Variants in SRP19 observed in about 807,000 individuals in gnomAD.
SRP19 encodes the protein signal recognition particle 19, also known as signal recognition particle 19 kDa protein.
SRP19 carries 11 observed loss-of-function variants against 22.4 expected under a neutral mutation model. The observed-to-expected ratio is 0.49, with a 90% CI of 0.31 to 0.81. The LOEUF is 0.81. Among genes scored for constraint, SRP19 ranks in the 40% least tolerant of loss-of-function variants. SRP19 has a pLI of 0.05. For synonymous variants in SRP19, 61 were observed against 57.6 expected, an observed-to-expected ratio of 1.06 and a Z score of -0.27; for missense variants, 168 against 175.9, an observed-to-expected ratio of 0.96 and a Z score of 0.25.
chr5:112,880,165 C>T (rs1224241505), intron 4 of SRP19, among the ~76,000 whole-genome samples: 1 of 152,050 alleles, frequency 6.6e-6, no homozygotes, highest in Non-Finnish European at 1.5e-5. Context: ...AATCCCAGAG[C>T]TTTGAGAGGC....
chr5:112,885,906 TTCCAGACCTGGGTATC>T (rs561291346), intron 4 of SRP19, among the ~76,000 whole-genome samples: 10 of 152,322 alleles, frequency 6.6e-5, no homozygotes, highest in Admixed American at 1.3e-4. Context: ...GATGACTTCA[TTCCAGACCTGGGTATC>T]TCCAATCTAC....
At chr5:112,873,088 CTTTT>C (rs34944142), downstream of SRP19, among the ~76,000 whole-genome samples, 4 of 116,650 alleles carry the variant, frequency 3.4e-5, no homozygotes, top group Non-Finnish European at 7.3e-5. Flanking sequence ...TTGTGTGGGT[CTTTT>C]TTTTTTTTTT....
At chr5:112,865,716 C>T (rs1484493642) in intron 4 of SRP19, among the ~76,000 whole-genome samples, 1 of 152,026 alleles carries the variant, frequency 6.6e-6, no homozygotes, top group Non-Finnish European at 1.5e-5. Context: ...GTCTCAGCCT[C>T]CCAAGTAGCT....
intron 4 of SRP19, 76 bp downstream of exon 4, chr5:112,864,808 G>A (rs1372633792): frequency 5.1e-6 from 6 of 1,174,944 alleles, no homozygotes; most frequent in Non-Finnish European, 7.3e-6. Flanking sequence ...TTCTAAAACT[G>A]AAAGGTAAAA....
chr5:112,889,105 C>A (rs1768351556), intron 4 of SRP19, among the ~76,000 whole-genome samples: 1 of 150,872 alleles, frequency 6.6e-6, no homozygotes, highest in Non-Finnish European at 1.5e-5. Flanking sequence ...GTCTCCACAA[C>A]CATGTGGAAC....
At chr5:112,891,880 T>C (rs1385008245) in exon 5 of SRP19, 4 of 1,414,332 alleles carry the variant, frequency 2.8e-6, no homozygotes, top group Admixed American at 3.3e-5. Flanking sequence ...TGAGGAGTGG[T>C]TGCTGAGGGA....
chr5:112,863,496 C>A (rs566680451), intron 2 of SRP19, among the ~76,000 whole-genome samples: 1 of 152,136 alleles, frequency 6.6e-6, no homozygotes, highest in South Asian at 2.1e-4. Context: ...TCCAGCCCCC[C>A]ATCCCCTAGT....
chr5:112,866,224 C>G (rs1767600881), intron 4 of SRP19, among the ~76,000 whole-genome samples: 1 of 151,672 alleles, frequency 6.6e-6, no homozygotes, highest in South Asian at 2.1e-4. Context: ...TCAAGTGATT[C>G]TCCTGCCTCA....
intron 1 of SRP19, 119 bp from the exon 2 acceptor site, chr5:112,862,389 A>C: frequency 4.8e-6 from 4 of 829,704 alleles, no homozygotes; most frequent in Non-Finnish European, 8.1e-6. Flanking sequence ...GGGGTTGAAA[A>C]GGGAGTACCC....
chr5:112,882,756 T>C (rs1483997013), intron 4 of SRP19, among the ~76,000 whole-genome samples: 1 of 152,208 alleles, frequency 6.6e-6, no homozygotes, highest in Non-Finnish European at 1.5e-5. Flanking sequence ...AAACATTTGT[T>C]ATCTGGCCCT....
At chr5:112,886,611 G>C (rs1768254445) in intron 4 of SRP19, among the ~76,000 whole-genome samples, 1 of 152,128 alleles carries the variant, frequency 6.6e-6, no homozygotes, top group African/African-American at 2.4e-5. Flanking sequence ...ATGCTTGATG[G>C]AATTTTTCCT....
chr5:112,884,832 T>C (rs1473329986), intron 4 of SRP19, among the ~76,000 whole-genome samples: 1 of 151,616 alleles, frequency 6.6e-6, no homozygotes, highest in Non-Finnish European at 1.5e-5. Context: ...ATATGGTAAA[T>C]ATACTATCTA....
chr5:112,874,571 T>C (rs1016008251), downstream of SRP19, among the ~76,000 whole-genome samples: 1 of 152,192 alleles, frequency 6.6e-6, no homozygotes, highest in African/African-American at 2.4e-5. Context: ...AACCTCTGTG[T>C]ATTAAGATAC....
chr5:112,871,168 A>T (rs2150029212), downstream of SRP19, among the ~76,000 whole-genome samples: 1 of 151,784 alleles, frequency 6.6e-6, no homozygotes, highest in South Asian at 2.1e-4. Flanking sequence ...AACATAAAAC[A>T]CTAAGATTTC....
intron 4 of SRP19, chr5:112,877,411 A>T (rs1281826812): frequency 6.6e-6 from 1 of 152,170 alleles, no homozygotes; most frequent in Non-Finnish European, 1.5e-5. Context: ...GTATGGTGTA[A>T]AACTCAGATT....
intron 4 of SRP19, among the ~76,000 whole-genome samples, chr5:112,866,139 A>G (rs1040784408): frequency 7.5e-5 from 11 of 147,556 alleles, no homozygotes; most frequent in African/African-American, 2.3e-4. Flanking sequence ...TTTCTGAGAC[A>G]GAGTTTTGCT....
At chr5:112,890,579 T>C (rs1250854344) in intron 4 of SRP19, among the ~76,000 whole-genome samples, 3 of 150,234 alleles carry the variant, frequency 2.0e-5, no homozygotes, top group African/African-American at 7.5e-5. Context: ...GGTTTCGCCA[T>C]GTTGGCCGGG....
At chr5:112,882,707 G>A (rs1768118189) in intron 4 of SRP19, among the ~76,000 whole-genome samples, 1 of 152,200 alleles carries the variant, frequency 6.6e-6, no homozygotes, top group African/African-American at 2.4e-5. Flanking sequence ...TGGCAGAGAA[G>A]AGTAGCTGCA....
intron 4 of SRP19, chr5:112,891,574 TG>T (rs1768449044): frequency 6.4e-7 from 1 of 1,551,572 alleles, no homozygotes; most frequent in South Asian, 1.2e-5. Context: ...GTGGCAGCTA[TG>T]AACAAAATCT....
Sources: gnomAD v4.1 joint callset for allele counts (sites outside exome capture counted in the v4.1 genomes callset) on GRCh38, gnomAD v4.1.1 for gene constraint, MANE v1.5 for transcripts, NCBI Gene and HGNC (gene_info 2026-07-23, HGNC 2026-07-21) for gene names.